The following NBEA variants were observed in gnomAD, a reference collection of about 807,000 sequenced individuals.
NBEA encodes the protein lysosomal-trafficking regulator 2.
In NBEA, 44 loss-of-function variants were observed where a neutral mutation model predicts 343.4. The ratio of observed to expected loss-of-function variants is 0.13; its 90% CI spans 0.10 to 0.16. NBEA has a LOEUF of 0.16. NBEA is among the 10% of genes least tolerant of loss of function. The probability of loss-of-function intolerance (pLI) is 1.00; values close to 1 mark genes in which losing one functional copy is unlikely to be tolerated. For missense variants in NBEA, 2,555 were observed against 3,631.3 expected (o/e 0.70, Z 7.62); for synonymous variants, 1,175 against 1,238.7 (o/e 0.95, Z 1.08).
At chr13:35,224,988 GACTTTAAATTTCTCT>G (rs1279881176) in intron 33 of NBEA, among the ~76,000 whole-genome samples, 1 of 152,088 alleles carries the variant, frequency 6.6e-6, no homozygotes, top group Admixed American at 6.6e-5. Flanking sequence ...GTGTACCACG[GACTTTAAATTTCTCT>G]ACTTTTACTT....
intron 38 of NBEA, among the ~76,000 whole-genome samples, chr13:35,361,187 C>G (rs1024598463): frequency 1.3e-5 from 2 of 151,798 alleles, no homozygotes; most frequent in Non-Finnish European, 2.9e-5. Context: ...AAATGGAGGC[C>G]AGAAAAATAA....
chr13:35,338,858 A>G (rs893477380), intron 36 of NBEA, among the ~76,000 whole-genome samples: 1 of 152,094 alleles, frequency 6.6e-6, no homozygotes, highest in African/African-American at 2.4e-5. Context: ...AAATCAATCA[A>G]CGTAATACAC....
intron 41 of NBEA, among the ~76,000 whole-genome samples, chr13:35,543,525 G>C (rs1045012131): frequency 2.6e-5 from 4 of 152,012 alleles, no homozygotes; most frequent in Non-Finnish European, 5.9e-5. Context: ...ACTTGCAAAA[G>C]GATTTTTTTT....
intron 10 of NBEA, among the ~76,000 whole-genome samples, chr13:35,076,011 A>G (rs2064100036): frequency 6.6e-6 from 1 of 151,974 alleles, no homozygotes; most frequent in Non-Finnish European, 1.5e-5. Flanking sequence ...TAAAAATAAT[A>G]TGTGATTGTT....
intron 46 of NBEA, 83 bp downstream of exon 46, chr13:35,584,121 T>C (rs1049391181): frequency 1.0e-5 from 13 of 1,264,682 alleles, no homozygotes; most frequent in Non-Finnish European, 1.1e-5. Flanking sequence ...AAATCAGTTG[T>C]AATTTGATTA....
intron 38 of NBEA, among the ~76,000 whole-genome samples, chr13:35,396,322 G>A (rs1566072371): frequency 6.6e-6 from 1 of 151,944 alleles, no homozygotes. Context: ...GTTTCTGTGT[G>A]TCTACTCTGT....
At chr13:35,000,649 C>T (rs777824899) in intron 1 of NBEA, among the ~76,000 whole-genome samples, 9 of 151,046 alleles carry the variant, frequency 6.0e-5, no homozygotes, top group Non-Finnish European at 1.3e-4. Flanking sequence ...GGATACTGAT[C>T]GAGCAAGCAT....
chr13:35,354,854 C>T (rs994462262), intron 38 of NBEA, among the ~76,000 whole-genome samples: 6 of 152,112 alleles, frequency 3.9e-5, no homozygotes, highest in East Asian at 1.9e-4. Flanking sequence ...TCTCTCCCGT[C>T]GCCAGGTCTG....
intron 39 of NBEA, among the ~76,000 whole-genome samples, chr13:35,437,066 G>A (rs1260463177): frequency 6.6e-6 from 1 of 152,108 alleles, no homozygotes; most frequent in Non-Finnish European, 1.5e-5. Context: ...GCCTTTATTA[G>A]TGTAATAGAA....
chr13:35,172,201 T>C (rs554482140), intron 26 of NBEA, among the ~76,000 whole-genome samples: 22 of 152,144 alleles, frequency 1.4e-4, no homozygotes, highest in South Asian at 6.2e-4. Context: ...AAAATTCCTT[T>C]CTGATTCAAG....
At chr13:35,286,121 C>A (rs1351844007) in intron 34 of NBEA, among the ~76,000 whole-genome samples, 1 of 152,060 alleles carries the variant, frequency 6.6e-6, no homozygotes, top group African/African-American at 2.4e-5. Flanking sequence ...CTCTATGAAC[C>A]CCCTAAGATT....
rs372634496 is a variant in NBEA, at chr13:34,944,233, A to G, written c.294+1119A>G. Among the ~76,000 whole-genome samples, 16 of 152,320 alleles carry G rather than the reference A, an allele frequency of 1.1e-4. No homozygotes were observed. The South Asian group carries it at 1.5e-3, about 14-fold the overall frequency. The stretch of plus-strand genomic sequence containing the variant: ...GGTGTGGGGTCACAGGAATATAACA[A>G]TATGCTTACAGGGGTACTTTGTAAC... On this transcript the variant is annotated intron_variant, in intron 1 of 58. Transcript: ENST00000379939.
intron 45 of NBEA, among the ~76,000 whole-genome samples, chr13:35,574,382 A>AAAAAC (rs1178275817): frequency 1.6e-5 from 2 of 127,592 alleles, no homozygotes; most frequent in African/African-American, 6.7e-5. Context: ...TACACTATCA[A>AAAAAC]AAAAAAAGAA....
chr13:35,289,523 C>T (rs2035661414), intron 34 of NBEA, among the ~76,000 whole-genome samples: 1 of 151,740 alleles, frequency 6.6e-6, no homozygotes, highest in Admixed American at 6.6e-5. Flanking sequence ...TTATATACAT[C>T]GTTATACAGC....
At chr13:35,493,182 A>G (rs75114204) in intron 41 of NBEA, among the ~76,000 whole-genome samples, 7,413 of 151,944 alleles carry the variant, frequency 0.049, 421 homozygotes, top group East Asian at 0.2. Context: ...AAGTGAATGG[A>G]ACAGGAGACA....
Position 35,329,340 on chromosome 13 carries a change from G to T in NBEA, c.5903+19748G>T, listed in dbSNP as rs772974730. 3.3e-5 allele frequency among the ~76,000 whole-genome samples: 5 copies of T among 150,514 alleles called. No homozygotes were observed. In the South Asian group the frequency reaches 1.1e-3, roughly 32 times the overall value. ...TATGTCCTAATAATTCCAAGCCTAG[G>T]TATTTGCCCAAGAGAAATGAAAAAT... On this transcript the variant is annotated intron_variant, in intron 36 of 58. Transcript: ENST00000379939.
At chr13:35,388,444 A>G (rs1238420738) in intron 38 of NBEA, among the ~76,000 whole-genome samples, 1 of 152,136 alleles carries the variant, frequency 6.6e-6, no homozygotes, top group Non-Finnish European at 1.5e-5. Context: ...ATTCTAAAAA[A>G]CTAAGATAAT....
intron 1 of NBEA, among the ~76,000 whole-genome samples, chr13:35,011,677 T>C (rs1224100812): frequency 1.3e-5 from 2 of 152,204 alleles, no homozygotes; most frequent in African/African-American, 4.8e-5. Flanking sequence ...ACATTTGAAC[T>C]ACATAATGAT....
chr13:35,451,490 A>G (rs544940640), intron 39 of NBEA, among the ~76,000 whole-genome samples: 5 of 152,300 alleles, frequency 3.3e-5, no homozygotes, highest in Non-Finnish European at 5.9e-5. Flanking sequence ...TTATTTCACT[A>G]ATTGCTAAAG....
Sources: gnomAD v4.1 joint callset for allele counts (sites outside exome capture counted in the v4.1 genomes callset) on GRCh38, gnomAD v4.1.1 for gene constraint, MANE v1.5 for transcripts, NCBI Gene and HGNC (gene_info 2026-07-23, HGNC 2026-07-21) for gene names.